KIAA1217: variants seen among roughly 807,000 people sequenced by gnomAD.
KIAA1217 encodes KIAA1217, also known as sickle tail protein homolog.
In KIAA1217, 88 loss-of-function variants were observed where a neutral mutation model predicts 163.9. That is an observed-to-expected ratio of 0.54 (90% CI 0.45 to 0.64). The LOEUF (loss-of-function observed/expected upper bound fraction) is 0.64. Ranked by LOEUF, KIAA1217 falls within the 30% of genes least tolerant of loss-of-function variation. The probability of loss-of-function intolerance (pLI) is 0.00; values close to 1 mark genes in which losing one functional copy is unlikely to be tolerated. For missense variants in KIAA1217, 2,372 were observed against 2,475.0 expected, an observed-to-expected ratio of 0.96 and a Z score of 0.88; for synonymous variants, 903 against 923.1, an observed-to-expected ratio of 0.98 and a Z score of 0.39.
chr10:24,078,235 C>G (rs1173433727), intron 2 of KIAA1217, among the ~76,000 whole-genome samples: 1 of 152,088 alleles, frequency 6.6e-6, no homozygotes, highest in Non-Finnish European at 1.5e-5. Context: ...ACTCATTATT[C>G]AGGGAAGGAT....
intron 2 of KIAA1217, among the ~76,000 whole-genome samples, chr10:24,300,992 T>C (rs1258119421): frequency 1.3e-5 from 2 of 152,274 alleles, no homozygotes; most frequent in East Asian, 3.9e-4. Context: ...TTTGTATTTT[T>C]AGTAGGCACA....
chr10:23,702,960 T>G (rs1836572467), intron 1 of KIAA1217, among the ~76,000 whole-genome samples: 1 of 152,076 alleles, frequency 6.6e-6, no homozygotes, highest in Non-Finnish European at 1.5e-5. Flanking sequence ...TCTCCTGACC[T>G]TGTGATCCGC....
At chr10:23,760,886 A>G (rs922809632) in intron 1 of KIAA1217, among the ~76,000 whole-genome samples, 1 of 152,180 alleles carries the variant, frequency 6.6e-6, no homozygotes, top group African/African-American at 2.4e-5. Context: ...ACAAGTATCC[A>G]CTTTCCAGGA....
At chr10:24,367,270 G>A in intron 2 of KIAA1217, 1 of 506,220 alleles carries the variant, frequency 2.0e-6, no homozygotes, top group Non-Finnish European at 2.6e-6. Context: ...TCACCTGCAA[G>A]TGCCATTCTA....
At chr10:24,479,635 G>A (rs555073562) in intron 6 of KIAA1217, among the ~76,000 whole-genome samples, 1 of 152,242 alleles carries the variant, frequency 6.6e-6, no homozygotes, top group East Asian at 1.9e-4. Context: ...AAAAATACCT[G>A]AGACTGGGTA....
At position 23,797,129 on chromosome 10, in the gene KIAA1217, G is replaced by T. The variant is rs80007829; in HGVS notation, c.-321+101895G>T. 1.2e-3 allele frequency among the ~76,000 whole-genome samples: 176 copies of T among 152,230 alleles called. 13 individuals carry two copies. In the East Asian group the frequency reaches 0.027, roughly 24 times the overall value. On this transcript the variant is annotated intron_variant, in intron 1 of 18. Coordinates refer to the KIAA1217 transcript ENST00000376462. ...CTTTGGCCTCTCAGAGCTGTAAAAT[G>T]TATATTTTAATACAAATATTGTCCA... is the stretch of plus-strand genomic sequence containing the variant.
At chr10:23,877,646 C>T (rs1415688080) in intron 1 of KIAA1217, among the ~76,000 whole-genome samples, 5 of 151,970 alleles carry the variant, frequency 3.3e-5, no homozygotes, top group South Asian at 2.1e-4. Context: ...CAGATATGCA[C>T]AACGTGTGTC....
chr10:23,781,500 T>C (rs1366661484), intron 1 of KIAA1217, among the ~76,000 whole-genome samples: 1 of 152,224 alleles, frequency 6.6e-6, no homozygotes, highest in Non-Finnish European at 1.5e-5. Flanking sequence ...TATATAGATA[T>C]ATGGTTCTAA....
chr10:24,313,708 A>G (rs1379495299), intron 2 of KIAA1217, among the ~76,000 whole-genome samples: 2 of 151,932 alleles, frequency 1.3e-5, no homozygotes, highest in Non-Finnish European at 1.5e-5. Flanking sequence ...AGCTGGTGAA[A>G]CCACCTTGAG....
In KIAA1217 at chr10:24,521,876, C is replaced by T. The variant is rs764535967; in HGVS notation, c.2403C>T (p.Asp801=). The change falls in exon 12 of 21, where the codon GAC becomes GAT. Residue 801 remains aspartate, a synonymous_variant. Coordinates refer to ENST00000376454, the MANE Select transcript of KIAA1217 (RefSeq NM_019590.5). ...TGAAGGAGGAGCCACACAAGCTGGA[C>T]AGTCTCCTGAAGCGTGTGCGCAGCA... ...RFLKEEPHKL[D]SLLKRVRSMT... 2 of 1,613,674 alleles carry T rather than the reference C, an allele frequency of 1.2e-6. No individual in the cohort carries two copies. The highest frequency in any genetic ancestry group is 1.7e-5 in the Admixed American group (1 of 60,002).
chr10:24,523,839 G>C (rs779527652), intron 12 of KIAA1217, among the ~76,000 whole-genome samples: 2 of 152,164 alleles, frequency 1.3e-5, no homozygotes, highest in African/African-American at 4.8e-5. Flanking sequence ...GGAAGTTGAG[G>C]AATAAACACG....
At chr10:23,879,490 A>C (rs972834203) in intron 1 of KIAA1217, among the ~76,000 whole-genome samples, 7 of 151,952 alleles carry the variant, frequency 4.6e-5, no homozygotes, top group African/African-American at 4.8e-5. Context: ...GGGTGATTAA[A>C]TATATCAACA....
chr10:24,209,343 T>G, intron 1 of KIAA1217, 80 bp downstream of exon 1: 1 of 994,868 alleles, frequency 1.0e-6, no homozygotes, highest in Non-Finnish European at 1.5e-6. Context: ...AAACTGCAGC[T>G]CTGGGACCCG....
intron 5 of KIAA1217, among the ~76,000 whole-genome samples, chr10:24,443,095 G>A (rs1427727202): frequency 2.0e-5 from 3 of 152,014 alleles, no homozygotes; most frequent in African/African-American, 7.3e-5. Context: ...ATTTTTAGAA[G>A]AAATGGGATT....
At chr10:24,354,278 G>A (rs893007789) in intron 2 of KIAA1217, among the ~76,000 whole-genome samples, 2 of 152,224 alleles carry the variant, frequency 1.3e-5, no homozygotes, top group African/African-American at 4.8e-5. Flanking sequence ...CAGGACGTGA[G>A]ACAGGGGTGT....
rs150789054 is a variant in KIAA1217, at chr10:24,029,841, G to A, written c.-171+22467G>A. Among the ~76,000 whole-genome samples the A allele has an allele frequency of 2.2e-4, 33 of 152,214 alleles. No individual in the cohort carries two copies. In the East Asian group the frequency reaches 4.3e-3, roughly 20 times the overall value. On this transcript the variant is annotated intron_variant, in intron 2 of 18. Transcript: ENST00000376462. ...AGAGAAGTTTTAAGTTCCCTCACAC[G>A]GGCATGTAGTATCATCTCTGTATTG...
At chr10:24,501,613 G>A in intron 9 of KIAA1217, 68 bp downstream of exon 9, 2 of 1,468,308 alleles carry the variant, frequency 1.4e-6, no homozygotes, top group Non-Finnish European at 1.9e-6. Flanking sequence ...TTTTCCTAGG[G>A]GCTCCGTGAA....
intron 2 of KIAA1217, among the ~76,000 whole-genome samples, chr10:24,031,034 G>T (rs1848167003): frequency 6.6e-6 from 1 of 152,038 alleles, no homozygotes; most frequent in Non-Finnish European, 1.5e-5. Context: ...TTTTTGGGGG[G>T]TATATCCCGA....
In KIAA1217 at chr10:24,164,492, T is replaced by G. The variant is rs114173322; in HGVS notation, c.-170-55134T>G. On this transcript the variant is annotated intron_variant, in intron 2 of 18. Coordinates refer to the KIAA1217 transcript ENST00000376462. ...GAGAGGTAACCCCATCTATCCTGGTTACTGCCACATCTCCAGTCTGGAATA... is the reference window on the plus strand; with the variant it reads ...GAGAGGTAACCCCATCTATCCTGGTGACTGCCACATCTCCAGTCTGGAATA... Among the ~76,000 whole-genome samples, 739 of 152,334 alleles carry G rather than the reference T, an allele frequency of 4.9e-3. 5 individuals are homozygous for G. The highest frequency in any genetic ancestry group is 0.017 in the African/African-American group (708 of 41,580).
Sources: allele counts gnomAD v4.1 joint callset (sites outside exome capture counted in the v4.1 genomes callset), GRCh38; gene constraint gnomAD v4.1.1; transcripts MANE v1.5; gene names NCBI Gene and HGNC (gene_info 2026-07-23, HGNC 2026-07-21).